CAPN7: variants seen among roughly 807,000 people sequenced by gnomAD.
CAPN7 encodes calpain-7.
A neutral mutation model predicts 115.2 loss-of-function variants in CAPN7; 72 were observed. That is an observed-to-expected ratio of 0.63 (90% CI 0.52 to 0.76). CAPN7 has a LOEUF of 0.76. Among genes scored for constraint, CAPN7 ranks in the 30% least tolerant of loss-of-function variants. The pLI is 0.00. For missense variants in CAPN7, 905 were observed against 971.5 expected, an observed-to-expected ratio of 0.93 and a Z score of 0.91; for synonymous variants, 344 against 322.3, an observed-to-expected ratio of 1.07 and a Z score of -0.72.
chr3:15,228,974 A>AC lies in CAPN7; in HGVS notation c.854dup (p.Ile286AsnfsTer18). ...ATATGTTAATTATTCTTATTAACAGACAATAGTATCGGATTGCTCCTTTGT... is the reference window on the plus strand; with the variant it reads ...ATATGTTAATTATTCTTATTAACAGACCAATAGTATCGGATTGCTCCTTTGT... On this transcript the variant is annotated frameshift_variant and splice_region_variant, in exon 8 of 21. Transcript: ENST00000253693. LOFTEE classifies it high-confidence loss of function. 1 of 1,605,142 alleles carries AC rather than the reference A, an allele frequency of 6.2e-7. No homozygotes were observed. Among genetic ancestry groups the AC allele is most frequent in the Non-Finnish European group, 8.5e-7 (1 of 1,173,218 alleles).
intron 1 of CAPN7, among the ~76,000 whole-genome samples, chr3:15,209,614 A>G (rs1419898678): frequency 6.6e-6 from 1 of 152,202 alleles, no homozygotes; most frequent in Admixed American, 6.5e-5. Context: ...ATGTTTAGAG[A>G]GTTTTGGTGC....
intron 1 of CAPN7, among the ~76,000 whole-genome samples, chr3:15,208,995 CTTTCA>C (rs1053887789): frequency 2.0e-5 from 3 of 151,974 alleles, no homozygotes; most frequent in African/African-American, 7.2e-5. Flanking sequence ...TATTTTGTTG[CTTTCA>C]TTTTATAATC....
intron 1 of CAPN7, among the ~76,000 whole-genome samples, chr3:15,211,740 C>G (rs986482442): frequency 6.6e-6 from 1 of 151,982 alleles, no homozygotes; most frequent in Non-Finnish European, 1.5e-5. Flanking sequence ...ACTAAAAATA[C>G]AAAAATTAAC....
At chr3:15,220,531 ACTTAC>A (rs1298212187) in intron 4 of CAPN7, among the ~76,000 whole-genome samples, 4 of 152,230 alleles carry the variant, frequency 2.6e-5, no homozygotes, top group Non-Finnish European at 5.9e-5. Context: ...CTTTTATACC[ACTTAC>A]CTTACCTTGT....
chr3:15,246,900 G>T, intron 18 of CAPN7, 106 bp downstream of exon 18: 1 of 874,960 alleles, frequency 1.1e-6, no homozygotes, highest in Non-Finnish European at 1.8e-6. Flanking sequence ...GGCTTCACAG[G>T]AATATAAGGG....
At chr3:15,206,710 C>G (rs1031623973) in intron 1 of CAPN7, 113 bp downstream of exon 1, 11 of 729,596 alleles carry the variant, frequency 1.5e-5, no homozygotes, top group Non-Finnish European at 2.4e-5. Context: ...CTTTGCTTTT[C>G]CCTCGTCCGC....
chr3:15,209,357 A>G (rs1249779102), intron 1 of CAPN7, among the ~76,000 whole-genome samples: 1 of 152,214 alleles, frequency 6.6e-6, no homozygotes, highest in African/African-American at 2.4e-5. Flanking sequence ...GTTTCAGGGT[A>G]CATGTGATAA....
intron 1 of CAPN7, chr3:15,210,740 G>T (rs1237577559): frequency 1.6e-6 from 2 of 1,266,426 alleles, no homozygotes; most frequent in African/African-American, 3.1e-5. Flanking sequence ...GGACTACTTT[G>T]TAGAGACAGG....
chr3:15,233,938 C>T lies in CAPN7; in HGVS notation c.1251C>T (p.Phe417=). The T allele has an allele frequency of 1.3e-6, 2 of 1,598,264 alleles. No homozygotes were observed. The highest frequency in any genetic ancestry group is 2.7e-5 in the African/African-American group (2 of 74,640). Residue 417 remains phenylalanine, a synonymous_variant, in exon 11 of 21, where the codon TTC becomes TTT. Coordinates refer to ENST00000253693, the MANE Select transcript of CAPN7 (RefSeq NM_014296.3). ...CTATGCATTCAGATAGCCAAACTTT[C>T]AGTAAGGATAATTCTTTCAGAATGC... ...RIAMHSDSQT[F]SKDNSFRMLY... is the part of the protein sequence containing the mutation.
chr3:15,242,300 T>C, intron 16 of CAPN7, 47 bp downstream of exon 16: 1 of 1,156,682 alleles, frequency 8.6e-7, no homozygotes, highest in Non-Finnish European at 1.2e-6. Context: ...TACATAAGAT[T>C]TTATTTATAT....
rs767816389 is a variant in CAPN7, at chr3:15,223,537, G to A, written c.701G>A (p.Arg234His). The change falls in exon 6 of 21, where the codon CGT becomes CAT. Residue 234 changes from arginine to histidine, a missense_variant. This residue lies in a region of CAPN7 where 620 missense variants were observed against 703.4 expected (regional missense o/e 0.88). Coordinates refer to ENST00000253693, the MANE Select transcript of CAPN7 (RefSeq NM_014296.3). ...VPFMNVDLRE[R>H]FAYPMPFCDR... Reference sequence around the variant, plus strand: ...TTCATGAATGTTGACCTGAGAGAACGTTTTGCCTATCCAATGCCTTTCTGG... The same window carrying A: ...TTCATGAATGTTGACCTGAGAGAACATTTTGCCTATCCAATGCCTTTCTGG... 5.6e-6 allele frequency: 9 copies of A among 1,604,176 alleles called. No individual in the cohort carries two copies. In the Admixed American group the frequency reaches 6.8e-5, roughly 12 times the overall value.
intron 12 of CAPN7, among the ~76,000 whole-genome samples, chr3:15,239,416 T>G (rs1695208154): frequency 6.6e-6 from 1 of 152,242 alleles, no homozygotes; most frequent in African/African-American, 2.4e-5. Flanking sequence ...TAATCAATTC[T>G]GTAGACATGC....
In CAPN7 at chr3:15,212,066, T is replaced by C. The variant is rs760953519; in HGVS notation, c.103-38T>C. Reference sequence around the variant, plus strand: ...GTGATAAAGAAAATTCAAGTTGTAATACATCTATTGGATTCCTTTGAATTC... The same window carrying C: ...GTGATAAAGAAAATTCAAGTTGTAACACATCTATTGGATTCCTTTGAATTC... On this transcript the variant is annotated intron_variant, in intron 1 of 20. Transcript: ENST00000253693. The C allele has an allele frequency of 3.9e-6, 5 of 1,287,176 alleles. No individual in the cohort carries two copies. In the African/African-American group the frequency reaches 7.5e-5, roughly 19 times the overall value. The allele number at this position is 1,287,176 out of a possible 1,614,324, so 79.7% of individuals were successfully genotyped here.
chr3:15,206,405 G>A lies in CAPN7; in HGVS notation c.-91G>A, dbSNP rs187488902. ...TTGCCGCTCCTTCCGCGGCGCTCCC[G>A]AGTCCTCGCCGCCGCCGGGCCGCCG... On this transcript the variant is annotated 5_prime_UTR_variant, in exon 1 of 21. Transcript: ENST00000253693. 914 of 934,694 alleles carry A rather than the reference G, an allele frequency of 9.8e-4. 3 individuals are homozygous for A. The African/African-American group carries it at 0.014, about 14-fold the overall frequency. The allele number at this position is 934,694 out of a possible 1,614,324, so 57.9% of individuals were successfully genotyped here.
At position 15,223,519 on chromosome 3, in the gene CAPN7, A is replaced by G. The variant is rs774149066; in HGVS notation, c.683A>G (p.Asn228Ser). 9.0e-5 allele frequency: 145 copies of G among 1,610,118 alleles called. No individual in the cohort carries two copies. Among genetic ancestry groups the G allele is most frequent in the Non-Finnish European group, 1.2e-4 (143 of 1,178,276 alleles). Reference sequence around the variant, plus strand: ...GGTATAGAATATGTTCCTTTCATGAATGTTGACCTGAGAGAACGTTTTGCC... The same window carrying G: ...GGTATAGAATATGTTCCTTTCATGAGTGTTGACCTGAGAGAACGTTTTGCC... ...INGIEYVPFM[N>S]VDLRERFAYP... Residue 228 changes from asparagine to serine, a missense_variant, in exon 6 of 21, where the codon AAT becomes AGT. Physicochemically the swap from Asn to Ser is conservative, Grantham distance 46. This residue lies in a region of CAPN7 where 620 missense variants were observed against 703.4 expected (regional missense o/e 0.88). Transcript: ENST00000253693.
At chr3:15,250,458 CAA>C (rs898724646) in intron 19 of CAPN7, among the ~76,000 whole-genome samples, 72 of 152,210 alleles carry the variant, frequency 4.7e-4, no homozygotes, top group African/African-American at 1.7e-3. Context: ...CACCTGAGGT[CAA>C]GAGTTCGAGA....
chr3:15,236,352 T>G (rs985464957), intron 12 of CAPN7, among the ~76,000 whole-genome samples: 12 of 152,222 alleles, frequency 7.9e-5, no homozygotes, highest in Non-Finnish European at 1.6e-4. Flanking sequence ...CTTCTGAGGT[T>G]GTTGTTATTT....
At chr3:15,211,816 A>C (rs907174257) in intron 1 of CAPN7, among the ~76,000 whole-genome samples, 5 of 152,070 alleles carry the variant, frequency 3.3e-5, no homozygotes, top group Admixed American at 2.6e-4. Flanking sequence ...AATCACTTGA[A>C]CCTGGGGAGG....
At chr3:15,247,940 C>T (rs1004500617) in intron 19 of CAPN7, among the ~76,000 whole-genome samples, 1 of 151,716 alleles carries the variant, frequency 6.6e-6, no homozygotes, top group Non-Finnish European at 1.5e-5. Flanking sequence ...AAACCAAACA[C>T]CACATATTCT....
Sources: gnomAD v4.1 joint callset for allele counts (sites outside exome capture counted in the v4.1 genomes callset) on GRCh38, gnomAD v4.1.1 for gene constraint, gnomAD v4.1.1 regional missense constraint, MANE v1.5 for transcripts, NCBI Gene and HGNC (gene_info 2026-07-23, HGNC 2026-07-21) for gene names.